The following NCOA1 variants were observed in gnomAD, a reference collection of about 807,000 sequenced individuals.
NCOA1 encodes the protein nuclear receptor coactivator 1, also known as Hin-2 protein.
A neutral mutation model predicts 150.9 loss-of-function variants in NCOA1; 35 were observed. That is an observed-to-expected ratio of 0.23 (90% CI 0.18 to 0.31). The LOEUF (loss-of-function observed/expected upper bound fraction) is 0.31. NCOA1 is among the 10% of genes least tolerant of loss of function. The pLI, the probability that NCOA1 is intolerant of heterozygous loss-of-function variation, is 1.00. For missense variants in NCOA1, 1,491 were observed against 1,749.3 expected (o/e 0.85, Z 2.63); for synonymous variants, 590 against 630.0 (o/e 0.94, Z 0.95).
At chr2:24,603,615 A>G (rs1027380521) in intron 3 of NCOA1, among the ~76,000 whole-genome samples, 1 of 152,234 alleles carries the variant, frequency 6.6e-6, no homozygotes, top group Non-Finnish European at 1.5e-5. Flanking sequence ...TTGCTTATTC[A>G]TAAGAAGCAT....
At chr2:24,545,275 AT>A (rs148922351) in intron 1 of NCOA1, among the ~76,000 whole-genome samples, 3,786 of 152,298 alleles carry the variant, frequency 0.025, 154 homozygotes, top group African/African-American at 0.085. Flanking sequence ...ATAAGAAAAT[AT>A]GCAAAATGCA....
chr2:24,725,041 CTT>C (rs916147597), intron 14 of NCOA1, among the ~76,000 whole-genome samples: 3 of 151,950 alleles, frequency 2.0e-5, no homozygotes, highest in Non-Finnish European at 4.4e-5. Context: ...GTTTATGTAA[CTT>C]TTATTTCTCA....
intron 4 of NCOA1, among the ~76,000 whole-genome samples, chr2:24,651,093 TTGA>T: frequency 6.6e-6 from 1 of 152,174 alleles, no homozygotes; most frequent in African/African-American, 2.4e-5. Flanking sequence ...ATGTACCCTT[TTGA>T]TGGGAACTTA....
At chr2:24,543,145 A>G (rs1219441077) in intron 1 of NCOA1, among the ~76,000 whole-genome samples, 1 of 152,132 alleles carries the variant, frequency 6.6e-6, no homozygotes, top group Non-Finnish European at 1.5e-5. Flanking sequence ...TGCTCCATCT[A>G]GGGGCTTATG....
chr2:24,683,045 A>G lies in NCOA1; in HGVS notation c.449A>G (p.Glu150Gly). 1 of 1,610,664 alleles carries G rather than the reference A, an allele frequency of 6.2e-7. No individual in the cohort carries two copies. Among genetic ancestry groups the G allele is most frequent in the Non-Finnish European group, 8.5e-7 (1 of 1,178,720 alleles). The change falls in exon 8 of 23, where the codon GAA becomes GGA. Residue 150 changes from glutamate (E) to glycine (G), a missense_variant. Glu to Gly is a moderately conservative substitution (Grantham distance 98, BLOSUM62 -2). This residue lies in a region of NCOA1 where 80 missense variants were observed against 163.0 expected (regional missense o/e 0.49). Coordinates refer to ENST00000348332, the MANE Select transcript of NCOA1 (RefSeq NM_003743.5). Reference protein sequence around the residue: ...VTSYLGYNQEELMNTSVYSIL... With the variant: ...VTSYLGYNQEGLMNTSVYSIL... ...AGCTACTTAGGTTACAATCAGGAGGAATTAATGAATACGAGCGTCTACAGC... is the reference window on the plus strand; with the variant it reads ...AGCTACTTAGGTTACAATCAGGAGGGATTAATGAATACGAGCGTCTACAGC...
chr2:24,758,599 G>A (rs148606249), intron 21 of NCOA1, among the ~76,000 whole-genome samples: 86 of 152,030 alleles, frequency 5.7e-4, no homozygotes, highest in Non-Finnish European at 7.7e-4. Flanking sequence ...CCAAAGTGCT[G>A]GGATTACAGG....
rs557798327 is a variant in NCOA1 at position 24,619,307 on chromosome 2, A to G, written c.-174-24659A>G. Reference sequence around the variant, plus strand: ...TGTGAAAGCTTACATGAAACTGAAAAAGAATAATTTTCCAAACTGTTGAAG... The same window carrying G: ...TGTGAAAGCTTACATGAAACTGAAAGAGAATAATTTTCCAAACTGTTGAAG... On this transcript the variant is annotated intron_variant, in intron 3 of 22. Transcript: ENST00000348332. Among the ~76,000 whole-genome samples, 7 of 152,332 alleles carry G rather than the reference A, an allele frequency of 4.6e-5. No individual in the cohort carries two copies. The South Asian group carries it at 6.2e-4, about 14-fold the overall frequency.
At chr2:24,690,059 A>T (rs1046518390) in intron 8 of NCOA1, among the ~76,000 whole-genome samples, 2 of 152,230 alleles carry the variant, frequency 1.3e-5, no homozygotes, top group Non-Finnish European at 2.9e-5. Context: ...GATTCTTTCT[A>T]TTAAAATCAC....
At chr2:24,630,415 A>G (rs1047507401) in intron 3 of NCOA1, among the ~76,000 whole-genome samples, 2 of 152,366 alleles carry the variant, frequency 1.3e-5, no homozygotes, top group East Asian at 3.9e-4. Flanking sequence ...ACCAGATTCT[A>G]TTATTGATGG....
At chr2:24,528,627 C>A (rs1176731508) in intron 1 of NCOA1, among the ~76,000 whole-genome samples, 1 of 152,046 alleles carries the variant, frequency 6.6e-6, no homozygotes, top group African/African-American at 2.4e-5. Context: ...GGATTACAGG[C>A]ATGAGCCACC....
chr2:24,512,971 A>T (rs563292420), intron 1 of NCOA1, among the ~76,000 whole-genome samples: 1 of 152,184 alleles, frequency 6.6e-6, no homozygotes, highest in Admixed American at 6.5e-5. Flanking sequence ...GTGTGGGTGC[A>T]TATGGCTCTA....
intron 1 of NCOA1, among the ~76,000 whole-genome samples, chr2:24,544,255 C>G (rs924734880): frequency 1.3e-4 from 20 of 152,028 alleles, no homozygotes; most frequent in Admixed American, 4.6e-4. Context: ...CTATGAGACA[C>G]CTAACTTGAG....
chr2:24,663,223 TC>T (rs1671266340), intron 5 of NCOA1, among the ~76,000 whole-genome samples: 1 of 152,234 alleles, frequency 6.6e-6, no homozygotes, highest in Admixed American at 6.5e-5. Flanking sequence ...ACTTATAGAT[TC>T]GTTAACTTGG....
intron 3 of NCOA1, among the ~76,000 whole-genome samples, chr2:24,628,116 A>G (rs950493379): frequency 3.9e-5 from 6 of 152,094 alleles, no homozygotes; most frequent in Admixed American, 3.9e-4. Flanking sequence ...CTTGGCCAAC[A>G]TGTTGAAACC....
intron 22 of NCOA1, among the ~76,000 whole-genome samples, chr2:24,763,558 T>A (rs1257390455): frequency 4.1e-5 from 6 of 145,118 alleles, no homozygotes; most frequent in South Asian, 2.2e-4. Context: ...AAAAAAAAAA[T>A]TTTGGAGGAA....
intron 7 of NCOA1, chr2:24,676,422 A>C (rs547377844): frequency 6.6e-6 from 1 of 152,520 alleles, no homozygotes; most frequent in South Asian, 2.1e-4. Context: ...TTTTCAGCTG[A>C]ACCCAACTTA....
intron 17 of NCOA1, among the ~76,000 whole-genome samples, chr2:24,735,089 C>T (rs1027328292): frequency 2.0e-5 from 3 of 152,018 alleles, no homozygotes; most frequent in African/African-American, 7.3e-5. Flanking sequence ...GTTTTAGTGA[C>T]CTAAATGTGA....
At chr2:24,585,173 A>C (rs538758651) in intron 3 of NCOA1, among the ~76,000 whole-genome samples, 2 of 152,318 alleles carry the variant, frequency 1.3e-5, no homozygotes, top group South Asian at 4.1e-4. Context: ...AGTGTTTGCT[A>C]AATTGGCATG....
intron 1 of NCOA1, among the ~76,000 whole-genome samples, chr2:24,502,617 C>A (rs1037054980): frequency 6.6e-6 from 1 of 152,152 alleles, no homozygotes; most frequent in Non-Finnish European, 1.5e-5. Context: ...TTGGCCCCAG[C>A]TTTCTTTTCT....
Sources: allele counts gnomAD v4.1 joint callset (sites outside exome capture counted in the v4.1 genomes callset), GRCh38; gene constraint gnomAD v4.1.1; regional missense constraint gnomAD v4.1.1; transcripts MANE v1.5; gene names NCBI Gene and HGNC (gene_info 2026-07-23, HGNC 2026-07-21).